The following C4orf17 variants were observed in gnomAD, a reference collection of about 807,000 sequenced individuals.
The protein encoded by C4orf17 is uncharacterized protein C4orf17.
In C4orf17, 25 loss-of-function variants were observed where a neutral mutation model predicts 32.0. That is an observed-to-expected ratio of 0.78 (90% CI 0.57 to 1.09). The LOEUF is 1.09. Ranked by LOEUF, C4orf17 falls within the 50% of genes least tolerant of loss-of-function variation. The probability of loss-of-function intolerance (pLI) is 0.00; values close to 1 mark genes in which losing one functional copy is unlikely to be tolerated. For missense variants in C4orf17, 420 were observed against 420.0 expected (o/e 1.00, Z 0.00); for synonymous variants, 149 against 145.8 (o/e 1.02, Z -0.16).
chr4:99,533,426 A>G (rs921107678), intron 5 of C4orf17, among the ~76,000 whole-genome samples: 2 of 152,172 alleles, frequency 1.3e-5, no homozygotes, highest in African/African-American at 2.4e-5. Context: ...AGATTGGACC[A>G]TTGAGAGAAG....
chr4:99,518,540 TATATAGAGAGAGAG>T (rs1310370077), intron 2 of C4orf17, among the ~76,000 whole-genome samples: 1 of 68,830 alleles, frequency 1.5e-5, no homozygotes, highest in East Asian at 4.5e-4. Flanking sequence ...TATATATATA[TATATAGAGAGAGAG>T]AGAGAGAGAG....
intron 2 of C4orf17, among the ~76,000 whole-genome samples, chr4:99,520,025 C>A (rs1578188133): frequency 6.6e-6 from 1 of 152,182 alleles, no homozygotes. Flanking sequence ...ATTGTCTTGG[C>A]CAAACCTGAG....
At position 99,515,318 on chromosome 4, in the gene C4orf17, C is replaced by T. The variant is rs113058888; in HGVS notation, c.127+2110C>T. On this transcript the variant is annotated intron_variant, in intron 2 of 8. Coordinates refer to ENST00000326581, the MANE Select transcript of C4orf17 (RefSeq NM_032149.3). ...ACCTAAGTGCCCATCAATGATAGGC[C>T]GGATAAAGAAAATGTGGTACATATA... is the stretch of plus-strand genomic sequence containing the variant. Among the ~76,000 whole-genome samples the T allele has an allele frequency of 1.8e-3, 276 of 151,722 alleles. 1 individual carries two copies. Among genetic ancestry groups the T allele is most frequent in the African/African-American group, 6.4e-3 (263 of 41,380 alleles).
chr4:99,537,702 G>A lies in C4orf17; in HGVS notation c.580G>A (p.Asp194Asn), dbSNP rs1329427784. The change falls in exon 6 of 9, where the codon GAT (aspartate) becomes AAT (asparagine). Residue 194 changes from aspartate to asparagine, a missense_variant. Coordinates refer to ENST00000326581, the MANE Select transcript of C4orf17 (RefSeq NM_032149.3). ...AAAGCTCTGTAGCATTTTGCATACTGATTCTCTGGCAGAAGTTTTACAGTG... is the reference window on the plus strand; with the variant it reads ...AAAGCTCTGTAGCATTTTGCATACTAATTCTCTGGCAGAAGTTTTACAGTG... Reference protein sequence around the residue: ...LAKLCSILHTDSLAEVLQWLL... With the variant: ...LAKLCSILHTNSLAEVLQWLL... 1 of 1,612,890 alleles carries A rather than the reference G, an allele frequency of 6.2e-7. No individual in the cohort carries two copies. The highest frequency in any genetic ancestry group is 2.2e-5 in the East Asian group (1 of 44,870).
chr4:99,520,372 G>A (rs1723266284), intron 2 of C4orf17, among the ~76,000 whole-genome samples: 1 of 152,144 alleles, frequency 6.6e-6, no homozygotes, highest in South Asian at 2.1e-4. Context: ...TGGGATTACA[G>A]GCGTGAGCCA....
chr4:99,538,030 G>A (rs1347861943), intron 6 of C4orf17, among the ~76,000 whole-genome samples: 1 of 152,134 alleles, frequency 6.6e-6, no homozygotes, highest in African/African-American at 2.4e-5. Flanking sequence ...GCTAGAGTTG[G>A]TTTATGCTCC....
chr4:99,519,488 GT>G (rs1169453842), intron 2 of C4orf17: 3 of 152,184 alleles, frequency 2.0e-5, no homozygotes, highest in Non-Finnish European at 4.4e-5. Context: ...AGGTGTGTCT[GT>G]TTTGTTCATG....
chr4:99,536,787 C>T (rs1023749426), intron 5 of C4orf17, among the ~76,000 whole-genome samples: 5 of 152,130 alleles, frequency 3.3e-5, no homozygotes, highest in Admixed American at 2.0e-4. Context: ...AAGTATGTTC[C>T]TACTAGAAGA....
intron 2 of C4orf17, among the ~76,000 whole-genome samples, chr4:99,520,776 A>G (rs975493263): frequency 6.6e-6 from 1 of 152,242 alleles, no homozygotes; most frequent in African/African-American, 2.4e-5. Context: ...CTTTGTTAAT[A>G]GCTTTAAAAG....
intron 5 of C4orf17, 150 bp from the exon 6 acceptor site, chr4:99,537,519 G>A (rs1223244631): frequency 2.0e-5 from 12 of 605,644 alleles, no homozygotes; most frequent in East Asian, 2.8e-5. Context: ...ATTTGAAATC[G>A]AGCTCGTGAG....
chr4:99,523,572 T>C (rs561457477), intron 3 of C4orf17, among the ~76,000 whole-genome samples: 65 of 152,324 alleles, frequency 4.3e-4, no homozygotes, highest in African/African-American at 1.5e-3. Context: ...CCTTATTTCT[T>C]GTGTCCCTTT....
intron 3 of C4orf17, 85 bp downstream of exon 3, chr4:99,522,794 T>C: frequency 1.9e-6 from 2 of 1,051,732 alleles, no homozygotes; most frequent in Non-Finnish European, 2.8e-6. Context: ...CTAAAATAGC[T>C]GCAGTGGTTT....
chr4:99,536,059 A>AC, intron 5 of C4orf17: 1 of 421,562 alleles, frequency 2.4e-6, no homozygotes, highest in Admixed American at 2.8e-5. Context: ...CATCAGTGAG[A>AC]GTTGCAAGAC....
intron 2 of C4orf17, among the ~76,000 whole-genome samples, chr4:99,514,645 C>T (rs1269593248): frequency 3.3e-5 from 5 of 152,062 alleles, no homozygotes; most frequent in East Asian, 1.9e-4. Flanking sequence ...CACTTTTACA[C>T]TTATGGTAGA....
At chr4:99,537,887 C>G (rs765780030) in intron 6 of C4orf17, 137 bp downstream of exon 6, 1 of 688,746 alleles carries the variant, frequency 1.5e-6, no homozygotes, top group Non-Finnish European at 2.6e-6. Context: ...GTTTCAGTAT[C>G]AGGGTGATTA....
intron 2 of C4orf17, among the ~76,000 whole-genome samples, chr4:99,520,256 AT>A (rs34760915): frequency 7.1e-4 from 106 of 150,084 alleles, no homozygotes; most frequent in African/African-American, 2.5e-3. Context: ...TGCCCAGCTA[AT>A]TTTTTTTTTC....
intron 4 of C4orf17, among the ~76,000 whole-genome samples, chr4:99,525,321 C>G (rs1723368677): frequency 6.6e-6 from 1 of 152,150 alleles, no homozygotes; most frequent in East Asian, 1.9e-4. Flanking sequence ...TCCACGTCTT[C>G]CCCAAGCTTA....
At chr4:99,532,573 A>G (rs1427970580) in intron 5 of C4orf17, among the ~76,000 whole-genome samples, 2 of 152,150 alleles carry the variant, frequency 1.3e-5, no homozygotes, top group Non-Finnish European at 2.9e-5. Flanking sequence ...AGGAAAGCAA[A>G]GAATGAGAAA....
In C4orf17 at chr4:99,518,509, AAAAAAAAAAATATATATATATAT is replaced by A. The variant is rs1560585463; in HGVS notation, c.128-3989_128-3967del. On this transcript the variant is annotated intron_variant, in intron 2 of 8. Coordinates refer to ENST00000326581, the MANE Select transcript of C4orf17 (RefSeq NM_032149.3). Reference sequence around the variant, plus strand: ...TTAAAAAAAAAAAAAAAAAAAAAAAAAAAAAAAAAATATATATATATATATATATATATATAGAGAGAGAGAGA... The same window carrying A: ...TTAAAAAAAAAAAAAAAAAAAAAAAAATATATATATATAGAGAGAGAGAGA... 2.3e-4 allele frequency among the ~76,000 whole-genome samples: 17 copies of A among 73,384 alleles called. 2 individuals carry two copies. The highest frequency in any genetic ancestry group is 1.5e-3 in the African/African-American group (17 of 11,308). 48.1% of individuals were successfully genotyped at this position (73,384 alleles called of 152,430 possible).
Sources: allele counts gnomAD v4.1 joint callset (sites outside exome capture counted in the v4.1 genomes callset), GRCh38; gene constraint gnomAD v4.1.1; transcripts MANE v1.5; gene names NCBI Gene and HGNC (gene_info 2026-07-23, HGNC 2026-07-21).